CTNNA2: variants seen among roughly 807,000 people sequenced by gnomAD.
CTNNA2 encodes the protein catenin alpha-2.
Under a neutral mutation model 101.0 loss-of-function variants are expected in CTNNA2, and 42 were observed. That is an observed-to-expected ratio of 0.42 (90% CI 0.32 to 0.54). CTNNA2 has a LOEUF of 0.54. CTNNA2 is among the 20% of genes least tolerant of loss of function. CTNNA2 has a pLI of 0.14. For missense variants in CTNNA2, 871 were observed against 1,223.1 expected (o/e 0.71, Z 4.29); for synonymous variants, 450 against 456.4 (o/e 0.99, Z 0.18).
chr2:80,357,469 C>A (rs1673948662), intron 7 of CTNNA2, among the ~76,000 whole-genome samples: 1 of 152,048 alleles, frequency 6.6e-6, no homozygotes, highest in Non-Finnish European at 1.5e-5. Flanking sequence ...ATCCTCATCT[C>A]TGACAGTGCC....
At chr2:80,431,235 A>G (rs1681477045) in intron 9 of CTNNA2, among the ~76,000 whole-genome samples, 1 of 152,188 alleles carries the variant, frequency 6.6e-6, no homozygotes, top group Non-Finnish European at 1.5e-5. Flanking sequence ...GGTGGAGTTC[A>G]ACTTCACAAA....
At chr2:79,361,197 C>T (rs1677620348) in intron 3 of CTNNA2, among the ~76,000 whole-genome samples, 1 of 152,024 alleles carries the variant, frequency 6.6e-6, no homozygotes, top group Non-Finnish European at 1.5e-5. Flanking sequence ...GAAATGCTAC[C>T]CTTTAATTTT....
intron 9 of CTNNA2, among the ~76,000 whole-genome samples, chr2:80,434,855 G>A (rs565439639): frequency 5.9e-4 from 90 of 152,264 alleles, no homozygotes; most frequent in Non-Finnish European, 1.1e-3. Flanking sequence ...TGTGCAATAT[G>A]TCAGGGCACT....
At chr2:79,879,416 G>A (rs1683260005) in intron 6 of CTNNA2, among the ~76,000 whole-genome samples, 1 of 152,128 alleles carries the variant, frequency 6.6e-6, no homozygotes, top group South Asian at 2.1e-4. Context: ...GGGCAGTATG[G>A]CCATTTTCAC....
intron 7 of CTNNA2, among the ~76,000 whole-genome samples, chr2:80,224,048 C>T (rs1708727992): frequency 6.6e-6 from 1 of 152,178 alleles, no homozygotes; most frequent in African/African-American, 2.4e-5. Flanking sequence ...AGCCAGAGAA[C>T]CAGCCTTAGC....
intron 7 of CTNNA2, among the ~76,000 whole-genome samples, chr2:80,380,010 T>C (rs1676344351): frequency 6.6e-6 from 1 of 151,422 alleles, no homozygotes; most frequent in South Asian, 2.1e-4. Flanking sequence ...ATCAATGTCT[T>C]GCACTGTTCG....
rs79053059 is a variant in CTNNA2 at position 79,232,632 on chromosome 2, C to T, written c.-406+34556C>T. 3.8e-3 allele frequency among the ~76,000 whole-genome samples: 573 copies of T among 152,290 alleles called. 18 individuals carry two copies. The South Asian group carries it at 0.069, about 18-fold the overall frequency. On this transcript the variant is annotated intron_variant, in intron 2 of 21. Transcript: ENST00000466387. ...TGATTGGTATCAGTTCTTCTTTGTACATCTGGTAGAATTTTACTGTAAATC... is the reference window on the plus strand; with the variant it reads ...TGATTGGTATCAGTTCTTCTTTGTATATCTGGTAGAATTTTACTGTAAATC...
chr2:79,376,046 A>G (rs1271302009), intron 4 of CTNNA2, among the ~76,000 whole-genome samples: 1 of 152,162 alleles, frequency 6.6e-6, no homozygotes, highest in Non-Finnish European at 1.5e-5. Context: ...CAGAGAGCAG[A>G]AGTCATAAGG....
In CTNNA2 at chr2:79,988,803, C is replaced by T. The variant is rs534746718; in HGVS notation, c.1056+79006C>T. ...TGAGCCCAGGATAAAGTGATATGTA[C>T]AAGAAGGTTTCTTTCGATCAAATGT... On this transcript the variant is annotated intron_variant, in intron 7 of 18. Coordinates refer to ENST00000402739, the MANE Select transcript of CTNNA2 (RefSeq NM_001282597.3). Among the ~76,000 whole-genome samples, 327 of 152,178 alleles carry T rather than the reference C, an allele frequency of 2.1e-3. 2 individuals carry two copies. The highest frequency in any genetic ancestry group is 7.3e-3 in the African/African-American group (303 of 41,532).
At chr2:79,338,561 T>C (rs1677049448) in intron 3 of CTNNA2, among the ~76,000 whole-genome samples, 1 of 151,630 alleles carries the variant, frequency 6.6e-6, no homozygotes, top group Admixed American at 6.6e-5. Context: ...TTTTTCTTCT[T>C]CTTCTTCCTC....
rs111613550 is a variant in CTNNA2, at chr2:80,540,196, T to A, written c.1291-4786T>A. Among the ~76,000 whole-genome samples, 460 of 152,286 alleles carry A rather than the reference T, an allele frequency of 3.0e-3. 3 individuals are homozygous for A. Among genetic ancestry groups the A allele is most frequent in the African/African-American group, 0.01 (432 of 41,580 alleles). On this transcript the variant is annotated intron_variant, in intron 9 of 18. Transcript: ENST00000402739. ...CTTATCACCCTTTATCATGAGAAAC[T>A]GACCATGTAGGAGAAAATATTAGCT...
chr2:79,996,811 G>A lies in CTNNA2; in HGVS notation c.1056+87014G>A, dbSNP rs6547290. Among the ~76,000 whole-genome samples, 413 of 152,266 alleles carry A rather than the reference G, an allele frequency of 2.7e-3. 3 individuals carry two copies. Among genetic ancestry groups the A allele is most frequent in the African/African-American group, 9.0e-3 (376 of 41,560 alleles). The stretch of plus-strand genomic sequence containing the variant: ...CAGAGAACTTGTCACACTGGGGAGC[G>A]ATAGGAAACCTGCTCAGAAACATCC... On this transcript the variant is annotated intron_variant, in intron 7 of 18. Coordinates refer to ENST00000402739, the MANE Select transcript of CTNNA2 (RefSeq NM_001282597.3).
At position 80,581,727 on chromosome 2, in the gene CTNNA2, G is replaced by A. The variant is rs1695562694; in HGVS notation, c.1915G>A (p.Asp639Asn). The change falls in exon 14 of 19, where the codon GAT becomes AAT. Residue 639 changes from aspartate (D) to asparagine (N), a missense_variant. This residue lies in a region of CTNNA2 where 93 missense variants were observed against 223.7 expected (regional missense o/e 0.42). Coordinates refer to ENST00000402739, the MANE Select transcript of CTNNA2 (RefSeq NM_001282597.3). ...TTAGACCCCAGAAGAACTAGAGGAT[G>A]ATTCTGACTTTGAGCAGGAAGATTA... ...MIRTPEELED[D>N]SDFEQEDYDV... 1 of 1,611,514 alleles carries A rather than the reference G, an allele frequency of 6.2e-7. No individual in the cohort carries two copies. The highest frequency in any genetic ancestry group is 1.1e-5 in the South Asian group (1 of 91,026).
chr2:80,465,691 A>G (rs541326410), intron 9 of CTNNA2, among the ~76,000 whole-genome samples: 2 of 152,120 alleles, frequency 1.3e-5, no homozygotes, highest in South Asian at 4.1e-4. Flanking sequence ...CCTCTATTTT[A>G]TCCTAACTTC....
intron 4 of CTNNA2, among the ~76,000 whole-genome samples, chr2:79,420,006 T>C (rs1034654024): frequency 1.3e-5 from 2 of 152,176 alleles, no homozygotes; most frequent in African/African-American, 4.8e-5. Context: ...CTTCACACTC[T>C]TGGATGCTCC....
intron 2 of CTNNA2, among the ~76,000 whole-genome samples, chr2:79,298,862 T>C (rs1463388779): frequency 6.6e-6 from 1 of 152,228 alleles, no homozygotes; most frequent in Non-Finnish European, 1.5e-5. Flanking sequence ...CTGTGTCTGA[T>C]GCATAGTTGG....
intron 7 of CTNNA2, among the ~76,000 whole-genome samples, chr2:80,074,181 G>A (rs893889062): frequency 5.3e-5 from 8 of 151,738 alleles, no homozygotes; most frequent in African/African-American, 1.9e-4. Flanking sequence ...ATGATGTATG[G>A]CCTAAGCTTA....
In CTNNA2 at chr2:79,964,593, G is replaced by T. The variant is rs151301703; in HGVS notation, c.1056+54796G>T. 1.7e-3 allele frequency among the ~76,000 whole-genome samples: 259 copies of T among 152,208 alleles called. 2 individuals are homozygous for T. The highest frequency in any genetic ancestry group is 5.9e-3 in the African/African-American group (244 of 41,522). ...ATGAAAAAAAGATGTGCCTTATTCC[G>T]TGATTTCCTTCTAAATAATGAATTA... On this transcript the variant is annotated intron_variant, in intron 7 of 18. Coordinates refer to ENST00000402739, the MANE Select transcript of CTNNA2 (RefSeq NM_001282597.3).
At chr2:79,600,976 G>A (rs1677516713) in intron 1 of CTNNA2, among the ~76,000 whole-genome samples, 2 of 152,082 alleles carry the variant, frequency 1.3e-5, no homozygotes, top group African/African-American at 2.4e-5. Flanking sequence ...CACATTGTGG[G>A]CTACAATTTC....
Sources: allele counts gnomAD v4.1 joint callset (sites outside exome capture counted in the v4.1 genomes callset), GRCh38; gene constraint gnomAD v4.1.1; regional missense constraint gnomAD v4.1.1; transcripts MANE v1.5; gene names NCBI Gene and HGNC (gene_info 2026-07-23, HGNC 2026-07-21).